The following KALRN variants were observed in gnomAD, a reference collection of about 807,000 sequenced individuals.
KALRN encodes the protein kalirin RhoGEF kinase.
In KALRN, 70 loss-of-function variants were observed where a neutral mutation model predicts 353.7. That is an observed-to-expected ratio of 0.20 (90% CI 0.16 to 0.24). The LOEUF is 0.24. KALRN is among the 10% of genes least tolerant of loss of function. The pLI, the probability that KALRN is intolerant of heterozygous loss-of-function variation, is 1.00. For synonymous variants in KALRN, 1,391 were observed against 1,434.8 expected (o/e 0.97, Z 0.69); for missense variants, 2,791 against 3,756.7 (o/e 0.74, Z 6.72).
At chr3:124,528,719 A>C (rs1340506339) in intron 33 of KALRN, among the ~76,000 whole-genome samples, 1 of 152,204 alleles carries the variant, frequency 6.6e-6, no homozygotes, top group Non-Finnish European at 1.5e-5. Context: ...GCTATGTTGA[A>C]AAATTAGTCT....
intron 23 of KALRN, among the ~76,000 whole-genome samples, chr3:124,458,764 G>T (rs904201932): frequency 2.0e-5 from 3 of 151,296 alleles, no homozygotes; most frequent in African/African-American, 7.3e-5. Context: ...ACCTGTCTTT[G>T]CTAAAAAAAA....
chr3:124,465,052 A>G (rs2060200255), intron 25 of KALRN, among the ~76,000 whole-genome samples: 1 of 152,136 alleles, frequency 6.6e-6, no homozygotes, highest in Admixed American at 6.5e-5. Context: ...AAAGCTATTG[A>G]CCAAAAATAA....
intron 1 of KALRN, among the ~76,000 whole-genome samples, chr3:124,216,253 T>C (rs1257787534): frequency 6.6e-6 from 1 of 152,128 alleles, no homozygotes. Context: ...CCAACCATGG[T>C]ATTGGGTTTC....
rs796628603 is a variant in KALRN at position 124,642,806 on chromosome 3, G to GTTGTTGTTTTTTTTTT, written c.5664+5505_5664+5506insGTTGTTTTTTTTTTTT. Among the ~76,000 whole-genome samples the GTTGTTGTTTTTTTTTT allele has an allele frequency of 1.0e-4, 10 of 96,818 alleles. 1 individual carries two copies. Among genetic ancestry groups the GTTGTTGTTTTTTTTTT allele is most frequent in the African/African-American group, 4.5e-4 (10 of 22,310 alleles). The allele number at this position is 96,818 out of a possible 152,430, so 63.5% of individuals were successfully genotyped here. On this transcript the variant is annotated intron_variant, in intron 37 of 59. Coordinates refer to ENST00000682506, the MANE Select transcript of KALRN (RefSeq NM_001388419.1). The stretch of plus-strand genomic sequence containing the variant: ...TCTGTGGAAGAGATTCCCAAGCCTC[G>GTTGTTGTTTTTTTTTT]TTTTTTTTTTTTTTTTTTTTGAGAC...
intron 34 of KALRN, among the ~76,000 whole-genome samples, chr3:124,586,971 A>G (rs2075259230): frequency 6.6e-6 from 1 of 152,208 alleles, no homozygotes. Context: ...CTCAGCCTGT[A>G]GGCATCAATT....
chr3:124,065,985 G>T (rs2042325672), intron 1 of KALRN, among the ~76,000 whole-genome samples: 1 of 152,222 alleles, frequency 6.6e-6, no homozygotes, highest in Admixed American at 6.5e-5. Flanking sequence ...GGTGAGTTTG[G>T]TGGGAGCAGG....
intron 1 of KALRN, among the ~76,000 whole-genome samples, chr3:124,129,375 T>C (rs1157018467): frequency 6.6e-6 from 1 of 152,162 alleles, no homozygotes; most frequent in Non-Finnish European, 1.5e-5. Flanking sequence ...AAGGATCAGC[T>C]CAATGCCTGT....
Position 124,434,402 on chromosome 3 carries a change from T to G in KALRN, c.2925T>G (p.Asp975Glu). The change falls in exon 17 of 60, where the codon GAT becomes GAG. Residue 975 changes from aspartate (D) to glutamate (E), a missense_variant. Asp to Glu is a conservative substitution (Grantham distance 45, BLOSUM62 2). Coordinates refer to ENST00000682506, the MANE Select transcript of KALRN (RefSeq NM_001388419.1). Reference sequence around the variant, plus strand: ...TGCTGCTCCAGGCCGGCCACTACGATGCCGATGCCATCCGGGAATGTGCTG... The same window carrying G: ...TGCTGCTCCAGGCCGGCCACTACGAGGCCGATGCCATCCGGGAATGTGCTG... ...AEVLLQAGHY[D>E]ADAIRECAEK... 1 of 1,614,162 alleles carries G rather than the reference T, an allele frequency of 6.2e-7. No individual in the cohort carries two copies. The highest frequency in any genetic ancestry group is 8.5e-7 in the Non-Finnish European group (1 of 1,180,020).
intron 57 of KALRN, among the ~76,000 whole-genome samples, chr3:124,707,397 C>T (rs1335500166): frequency 6.2e-5 from 2 of 32,498 alleles, no homozygotes; most frequent in East Asian, 8.7e-4. Flanking sequence ...ATAGCAGTTT[C>T]CTTCCTTCCT....
At chr3:124,358,474 TAGAC>T (rs899661278) in intron 10 of KALRN, among the ~76,000 whole-genome samples, 4 of 152,212 alleles carry the variant, frequency 2.6e-5, no homozygotes, top group African/African-American at 9.7e-5. Flanking sequence ...AAACAAAAAT[TAGAC>T]AGAAGTGGTA....
At chr3:124,148,689 G>T (rs2067688291) in intron 1 of KALRN, among the ~76,000 whole-genome samples, 1 of 151,980 alleles carries the variant, frequency 6.6e-6, no homozygotes, top group Admixed American at 6.6e-5. Context: ...AATGAAGCAT[G>T]CGCTGAGTTA....
At chr3:124,305,054 G>A (rs1052442830) in intron 6 of KALRN, among the ~76,000 whole-genome samples, 1 of 152,172 alleles carries the variant, frequency 6.6e-6, no homozygotes, top group African/African-American at 2.4e-5. Context: ...TCACTCCACT[G>A]AGCATTCAGC....
At chr3:124,503,707 A>C (rs2064879755) in intron 33 of KALRN, among the ~76,000 whole-genome samples, 1 of 152,136 alleles carries the variant, frequency 6.6e-6, no homozygotes, top group African/African-American at 2.4e-5. Flanking sequence ...ACACAGTACA[A>C]ATGTGTGGGC....
rs2073868149 is a variant in KALRN, at chr3:124,268,977, G to A, written c.691G>A (p.Glu231Lys). Residue 231 changes from glutamate (E) to lysine (K), a missense_variant, in exon 5 of 60, where the codon GAA (glutamate) becomes AAA (lysine). Around this residue, in one of 11 missense-constraint regions of KALRN, gnomAD observed 366 missense variants for 489.2 expected, o/e 0.75. Transcript: ENST00000682506. ...GGAGGGCTCTCGGCGGCTCATTGACGAACACACACAGCTCAAGAAAAAGGT... is the reference window on the plus strand; with the variant it reads ...GGAGGGCTCTCGGCGGCTCATTGACAAACACACACAGCTCAAGAAAAAGGT... Reference protein sequence around the residue: ...DVEGSRRLIDEHTQLKKKVLK... With the variant: ...DVEGSRRLIDKHTQLKKKVLK... The A allele has an allele frequency of 1.2e-6, 2 of 1,614,102 alleles. No individual in the cohort carries two copies. The highest frequency in any genetic ancestry group is 2.2e-5 in the East Asian group (1 of 44,876).
chr3:124,116,968 C>A (rs1171853033), intron 1 of KALRN, among the ~76,000 whole-genome samples: 2 of 152,200 alleles, frequency 1.3e-5, no homozygotes, highest in East Asian at 3.8e-4. Context: ...TCTCCTTTGT[C>A]CACCAAAGTG....
intron 1 of KALRN, among the ~76,000 whole-genome samples, chr3:124,219,748 C>T (rs368600428): frequency 2.6e-5 from 4 of 151,970 alleles, no homozygotes; most frequent in Non-Finnish European, 4.4e-5. Flanking sequence ...TGGGTGACAG[C>T]GATGAAGGAA....
At chr3:124,693,907 T>C in intron 52 of KALRN, 76 bp downstream of exon 52, 1 of 1,014,964 alleles carries the variant, frequency 9.9e-7, no homozygotes, top group Non-Finnish European at 1.5e-6. Flanking sequence ...ACTAAAGCAC[T>C]GGCTGTAAGC....
intron 33 of KALRN, among the ~76,000 whole-genome samples, chr3:124,557,949 A>G (rs2071474987): frequency 6.6e-6 from 1 of 152,178 alleles, no homozygotes; most frequent in Admixed American, 6.5e-5. Context: ...GCAATGCGGA[A>G]TGAAGAGGCA....
At chr3:124,702,465 T>C (rs1355285689) in intron 57 of KALRN, among the ~76,000 whole-genome samples, 1 of 152,204 alleles carries the variant, frequency 6.6e-6, no homozygotes, top group Non-Finnish European at 1.5e-5. Flanking sequence ...TTCTTTGACC[T>C]GGTTATAATG....
Sources: gnomAD v4.1 joint callset for allele counts (sites outside exome capture counted in the v4.1 genomes callset) on GRCh38, gnomAD v4.1.1 for gene constraint, gnomAD v4.1.1 regional missense constraint, MANE v1.5 for transcripts, NCBI Gene and HGNC (gene_info 2026-07-23, HGNC 2026-07-21) for gene names.